PACRG: variants seen among roughly 807,000 people sequenced by gnomAD.
The protein encoded by PACRG is parkin coregulated gene protein.
In PACRG, 29 loss-of-function variants were observed where a neutral mutation model predicts 29.7. That is an observed-to-expected ratio of 0.98 (90% CI 0.73 to 1.33). The LOEUF (loss-of-function observed/expected upper bound fraction) is 1.33. PACRG is among the 40% of genes most tolerant of loss of function. The probability of loss-of-function intolerance (pLI) is 0.00; values close to 1 mark genes in which losing one functional copy is unlikely to be tolerated. For synonymous variants in PACRG, 116 were observed against 118.7 expected, an observed-to-expected ratio of 0.98 and a Z score of 0.15; for missense variants, 279 against 316.2, an observed-to-expected ratio of 0.88 and a Z score of 0.89.
intron 2 of PACRG, among the ~76,000 whole-genome samples, chr6:162,889,604 C>T (rs1794611759): frequency 6.6e-6 from 1 of 152,202 alleles, no homozygotes; most frequent in African/African-American, 2.4e-5. Context: ...TGTGATTATA[C>T]AGCATGGCAT....
At chr6:163,293,423 C>T (rs1036730464) in intron 4 of PACRG, among the ~76,000 whole-genome samples, 3 of 152,214 alleles carry the variant, frequency 2.0e-5, no homozygotes, top group Non-Finnish European at 2.9e-5. Flanking sequence ...TAAAGCAATA[C>T]AACGGAGTGA....
At chr6:163,216,063 G>T (rs544942411) in intron 4 of PACRG, among the ~76,000 whole-genome samples, 1 of 152,320 alleles carries the variant, frequency 6.6e-6, no homozygotes, top group African/African-American at 2.4e-5. Context: ...AGTAATTTTA[G>T]AGATCATTTT....
At chr6:163,213,370 T>TAA (rs936895633) in intron 4 of PACRG, among the ~76,000 whole-genome samples, 3 of 152,036 alleles carry the variant, frequency 2.0e-5, no homozygotes, top group African/African-American at 7.2e-5. Context: ...ACATCACAAA[T>TAA]AATGCAACAT....
chr6:163,135,015 C>A (rs1313335083), intron 4 of PACRG, among the ~76,000 whole-genome samples: 1 of 152,072 alleles, frequency 6.6e-6, no homozygotes, highest in Non-Finnish European at 1.5e-5. Context: ...CACACGCATA[C>A]TTTTTTACTC....
Position 162,811,195 on chromosome 6 carries a change from G to A in PACRG, c.157-2952G>A, listed in dbSNP as rs77822859. 3.8e-3 allele frequency among the ~76,000 whole-genome samples: 575 copies of A among 152,264 alleles called. 4 individuals are homozygous for A. Among genetic ancestry groups the A allele is most frequent in the African/African-American group, 0.013 (559 of 41,554 alleles). On this transcript the variant is annotated intron_variant, in intron 1 of 4. Coordinates refer to ENST00000366888, the MANE Select transcript of PACRG (RefSeq NM_001080379.2). Reference sequence around the variant, plus strand: ...CTTAAATCCTACATCCAGTTAAAATGTAGTTTTGGAAATGCAGAAGAAATC... The same window carrying A: ...CTTAAATCCTACATCCAGTTAAAATATAGTTTTGGAAATGCAGAAGAAATC...
In PACRG at chr6:163,234,063, T is replaced by C. The variant is rs184038304; in HGVS notation, c.614-80764T>C. Among the ~76,000 whole-genome samples, 18 of 152,296 alleles carry C rather than the reference T, an allele frequency of 1.2e-4. No individual in the cohort carries two copies. The East Asian group carries it at 3.5e-3, about 29-fold the overall frequency. ...TATCATCATTAAAGGAAGAGTACTC[T>C]TGTCATTAATGATGGAGATGGTCCA... On this transcript the variant is annotated intron_variant, in intron 4 of 4. Coordinates refer to ENST00000366888, the MANE Select transcript of PACRG (RefSeq NM_001080379.2).
intron 1 of PACRG, among the ~76,000 whole-genome samples, chr6:162,810,373 T>A (rs555585869): frequency 6.6e-6 from 1 of 152,168 alleles, no homozygotes; most frequent in African/African-American, 2.4e-5. Flanking sequence ...ATATAATGTA[T>A]CAAACATACT....
At chr6:163,135,246 T>A (rs1816886205) in intron 4 of PACRG, among the ~76,000 whole-genome samples, 2 of 151,950 alleles carry the variant, frequency 1.3e-5, no homozygotes, top group Non-Finnish European at 2.9e-5. Flanking sequence ...TGGAGTACAG[T>A]GGCACAATCT....
At chr6:162,735,332 A>G (rs1180320055) in intron 1 of PACRG, among the ~76,000 whole-genome samples, 1 of 151,980 alleles carries the variant, frequency 6.6e-6, no homozygotes, top group Non-Finnish European at 1.5e-5. Flanking sequence ...TTCCCAACTG[A>G]TTTTTCAAAT....
In PACRG at chr6:162,743,836, A is replaced by T. The variant is rs552864205; in HGVS notation, c.156+15445A>T. Reference sequence around the variant, plus strand: ...AAACATTTTCCTCATGCTAAGGAAAAAAAACCCTTAATTATCATCCACCAA... The same window carrying T: ...AAACATTTTCCTCATGCTAAGGAAATAAAACCCTTAATTATCATCCACCAA... On this transcript the variant is annotated intron_variant, in intron 1 of 4. Coordinates refer to ENST00000366888, the MANE Select transcript of PACRG (RefSeq NM_001080379.2). Among the ~76,000 whole-genome samples the T allele has an allele frequency of 6.6e-5, 10 of 152,304 alleles. No individual in the cohort carries two copies. The South Asian group carries it at 2.1e-3, about 32-fold the overall frequency.
chr6:162,785,822 G>T (rs78240113), intron 1 of PACRG, among the ~76,000 whole-genome samples: 6,550 of 152,204 alleles, frequency 0.043, 482 homozygotes, highest in African/African-American at 0.15. Flanking sequence ...GCAGGCCACG[G>T]ACCACTAGCG....
intron 4 of PACRG, among the ~76,000 whole-genome samples, chr6:163,256,462 T>C (rs1233890022): frequency 1.3e-5 from 2 of 151,736 alleles, no homozygotes; most frequent in Non-Finnish European, 2.9e-5. Context: ...TGAAGAAAAA[T>C]AAAACAAAGA....
At chr6:162,964,708 C>T (rs961914361) in intron 2 of PACRG, among the ~76,000 whole-genome samples, 2 of 152,122 alleles carry the variant, frequency 1.3e-5, no homozygotes, top group African/African-American at 4.8e-5. Context: ...AGGAAAGTAA[C>T]CTGGCCGCCA....
At chr6:162,976,163 C>T (rs112686286) in intron 2 of PACRG, among the ~76,000 whole-genome samples, 2,409 of 152,168 alleles carry the variant, frequency 0.016, 61 homozygotes, top group African/African-American at 0.053. Context: ...CCAGACAAGG[C>T]GAGAAGGGAT....
chr6:163,183,176 AG>A (rs904995981), intron 4 of PACRG: 32 of 152,238 alleles, frequency 2.1e-4, no homozygotes, highest in African/African-American at 7.5e-4. Flanking sequence ...AACCGTGAGT[AG>A]GAGCCACTGG....
At chr6:163,021,451 C>G (rs1806608373) in intron 2 of PACRG, among the ~76,000 whole-genome samples, 1 of 152,196 alleles carries the variant, frequency 6.6e-6, no homozygotes, top group African/African-American at 2.4e-5. Context: ...GCCTTCCCAT[C>G]CTACTGACCC....
intron 2 of PACRG, among the ~76,000 whole-genome samples, chr6:162,946,434 T>G (rs558161601): frequency 1.3e-5 from 2 of 151,916 alleles, no homozygotes; most frequent in South Asian, 4.2e-4. Context: ...CTACAAAAAT[T>G]GAATCAGAAA....
chr6:163,067,190 G>T (rs1161558421), intron 3 of PACRG, among the ~76,000 whole-genome samples: 1 of 152,192 alleles, frequency 6.6e-6, no homozygotes, highest in Non-Finnish European at 1.5e-5. Flanking sequence ...TTGGTAAAAT[G>T]CAGGCTCCAG....
rs1212278700 is a variant in PACRG, at chr6:163,314,955, G to T, written c.742G>T (p.Val248Phe). 1.2e-6 allele frequency: 2 copies of T among 1,614,072 alleles called. No individual in the cohort carries two copies. The stretch of plus-strand genomic sequence containing the variant: ...TGCCTTTATCAACATTAAGTACGTG[G>T]TCCCAACCTACGAGTCTTGCTTGCT... ...ENAFINIKYV[V>F]PTYESCLLN Residue 248 changes from valine to phenylalanine, a missense_variant, in exon 5 of 5, where the codon GTC (valine) becomes TTC (phenylalanine). By Grantham distance (50) the Val-to-Phe change is conservative. Transcript: ENST00000366888.
Sources: gnomAD v4.1 joint callset for allele counts (sites outside exome capture counted in the v4.1 genomes callset) on GRCh38, gnomAD v4.1.1 for gene constraint, MANE v1.5 for transcripts, NCBI Gene and HGNC (gene_info 2026-07-23, HGNC 2026-07-21) for gene names.